DECR2: variants seen among roughly 807,000 people sequenced by gnomAD.
The protein encoded by DECR2 is 2,4-dienoyl-CoA reductase 2.
Under a neutral mutation model 29.2 loss-of-function variants are expected in DECR2, and 34 were observed. The ratio of observed to expected loss-of-function variants is 1.16; its 90% CI spans 0.89 to 1.55. The LOEUF (loss-of-function observed/expected upper bound fraction) is 1.55, where lower values mean the gene tolerates loss of function less well. DECR2 is among the 40% of genes most tolerant of loss of function. The pLI is 0.00. For synonymous variants in DECR2, 224 were observed against 182.7 expected, an observed-to-expected ratio of 1.23 and a Z score of -1.82; for missense variants, 485 against 425.3, an observed-to-expected ratio of 1.14 and a Z score of -1.23.
rs772370508 is a variant in DECR2, at chr16:405,002, C to T, written c.127C>T (p.Arg43Trp). The T allele has an allele frequency of 9.9e-6, 16 of 1,613,972 alleles. No homozygotes were observed. The highest frequency in any genetic ancestry group is 2.7e-5 in the African/African-American group (2 of 74,926). The change falls in exon 2 of 9, where the codon CGG becomes TGG. Residue 43 changes from arginine to tryptophan, a missense_variant. Arg to Trp is a moderately radical substitution (Grantham distance 101). Coordinates refer to ENST00000219481, the MANE Select transcript of DECR2 (RefSeq NM_020664.4). ...ITGGGSGIGF[R>W]IAEIFMRHGC... is the part of the protein sequence containing the mutation. The stretch of plus-strand genomic sequence containing the variant: ...AGGAGGCGGCTCTGGGATTGGGTTC[C>T]GGATTGCTGAGATTTTCATGCGGTG...
At position 410,563 on chromosome 16, in the gene DECR2, G is replaced by A. The variant is rs1463076016; in HGVS notation, c.463-128G>A. ...TCCCCATGACGGCCGCCCGCTCCCT[G>A]CCCTGGGCCTCCCCCTGACGGCCGC... On this transcript the variant is annotated intron_variant, in intron 5 of 8. Transcript: ENST00000219481. The surrounding 1 kb of genome is among the most constrained non-coding windows in gnomAD (Gnocchi z 4.1). 1.1e-5 allele frequency: 16 copies of A among 1,400,094 alleles called. No individual in the cohort carries two copies. The highest frequency in any genetic ancestry group is 1.6e-5 in the African/African-American group (1 of 62,472). The allele number at this position is 1,400,094 out of a possible 1,614,324, so 86.7% of individuals were successfully genotyped here.
At chr16:407,696 C>T in intron 4 of DECR2, 136 bp downstream of exon 4, 1 of 1,398,190 alleles carries the variant, frequency 7.2e-7, no homozygotes, top group Non-Finnish European at 9.6e-7. Flanking sequence ...TGCACCCCAT[C>T]CAGGTACCTG....
chr16:411,455 G>A lies in DECR2; in HGVS notation c.756G>A (p.Leu252=). The change falls in exon 8 of 9, where the codon CTG becomes CTA. Residue 252 remains leucine (L), a synonymous_variant. Transcript: ENST00000219481. ...AGATCGCCCACAGCGTGCTCTACCT[G>A]GCCAGCCCTCTGGCTTCCTACGTGA... ...KTEIAHSVLY[L]ASPLASYVTG... The A allele has an allele frequency of 6.2e-7, 1 of 1,613,806 alleles. No individual in the cohort carries two copies. Among genetic ancestry groups the A allele is most frequent in the East Asian group, 2.2e-5 (1 of 44,888 alleles).
intron 4 of DECR2, among the ~76,000 whole-genome samples, 177 bp downstream of exon 4, chr16:407,737 T>A (rs1483907199): frequency 6.7e-6 from 1 of 149,814 alleles, no homozygotes. Context: ...GCCCCCTGTC[T>A]CCGGCCCCAT....
chr16:404,097 T>C (rs1279021154), intron 1 of DECR2, among the ~76,000 whole-genome samples: 1 of 151,768 alleles, frequency 6.6e-6, no homozygotes, highest in East Asian at 1.9e-4. Flanking sequence ...GGTGTGAACC[T>C]GGGAGGAGGA....
chr16:406,423 C>T (rs756274259), intron 3 of DECR2, 26 bp downstream of exon 3: 8 of 1,605,196 alleles, frequency 5.0e-6, no homozygotes, highest in Non-Finnish European at 5.9e-6. Flanking sequence ...CCATGGTCCC[C>T]TGTTCGGGTG....
chr16:410,873 T>G lies in DECR2; in HGVS notation c.556+89T>G. The G allele has an allele frequency of 6.6e-7, 1 of 1,526,656 alleles. No individual in the cohort carries two copies. Among genetic ancestry groups the G allele is most frequent in the Non-Finnish European group, 8.9e-7 (1 of 1,128,676 alleles). 94.6% of individuals were successfully genotyped at this position (1,526,656 alleles called of 1,614,324 possible). ...TCCCAGGAGGCCAGCAGTCTCCACT[T>G]GAAGCTGAGCCCAGCTGCAGGCAGC... On this transcript the variant is annotated intron_variant, in intron 6 of 8. Coordinates refer to ENST00000219481, the MANE Select transcript of DECR2 (RefSeq NM_020664.4). The surrounding 1 kb of genome is among the most constrained non-coding windows in gnomAD (Gnocchi z 4.1).
At chr16:408,360 G>A (rs1323707815) in intron 4 of DECR2, among the ~76,000 whole-genome samples, 1 of 151,802 alleles carries the variant, frequency 6.6e-6, no homozygotes, top group Non-Finnish European at 1.5e-5. Context: ...TTTGTGTCCC[G>A]CCTTCTGTCT....
chr16:402,131 C>T, intron 1 of DECR2, 88 bp downstream of exon 1: 1 of 1,093,252 alleles, frequency 9.1e-7, no homozygotes, highest in African/African-American at 1.6e-5. Flanking sequence ...CGAGGGCTCG[C>T]GTGTTAGGAA....
intron 4 of DECR2, among the ~76,000 whole-genome samples, chr16:408,522 CTTTT>C: frequency 7.0e-6 from 1 of 143,062 alleles, no homozygotes. Context: ...AAGTAATAGC[CTTTT>C]TTTTTTTTTT....
intron 4 of DECR2, chr16:409,703 A>G (rs1881928600): frequency 6.5e-6 from 1 of 152,918 alleles, no homozygotes; most frequent in Non-Finnish European, 1.5e-5. Flanking sequence ...ATAATCTCCC[A>G]GTTCTGGAGG....
intron 4 of DECR2, among the ~76,000 whole-genome samples, chr16:408,234 CGGGCCTCTGTCTCCGGCCCCCTGTCTCT>C (rs2054764981): frequency 5.5e-5 from 8 of 145,338 alleles, no homozygotes; most frequent in East Asian, 2.1e-4. Context: ...CCTCTGTCTC[CGGGCCTCTGTCTCCGGCCCCCTGTCTCT>C]GGGCCTCTGT....
rs2141816817 is a variant in DECR2, at chr16:410,365, CG to C, written c.462+1del. 6.3e-7 allele frequency: 1 copy of C among 1,597,898 alleles called. No individual in the cohort carries two copies. Among genetic ancestry groups the C allele is most frequent in the South Asian group, 1.1e-5 (1 of 89,600 alleles). On this transcript the variant is annotated frameshift_variant and splice_region_variant, in exon 5 of 9. Transcript: ENST00000219481. LOFTEE classifies it high-confidence loss of function. This position sits in a 1 kb window ranked among gnomAD's most constrained non-coding sequence, Gnocchi z 4.1. The part of the protein sequence containing the change: ...VSRVLYEKFF[R>X]DHGGVIVNIT... ...TCGTGTGCTCTATGAGAAGTTCTTC[CG>C]GGTGGGTGCCTCGTGCGCTCTGTGA...
At chr16:411,253 G>C in intron 7 of DECR2, 108 bp from the exon 8 acceptor site, 1 of 1,268,730 alleles carries the variant, frequency 7.9e-7, no homozygotes. Context: ...TGGTGACACT[G>C]ACTGTGTCCT....
chr16:407,790 C>A (rs2054745957), intron 4 of DECR2, among the ~76,000 whole-genome samples: 1 of 1,444 alleles, frequency 6.9e-4, no homozygotes, highest in Admixed American at 5.6e-3. Context: ...GGGCCTCTGT[C>A]TCCGGGCTCT....
chr16:406,296 G>A (rs181403834), intron 2 of DECR2, 50 bp from the exon 3 acceptor site: 8 of 1,459,518 alleles, frequency 5.5e-6, no homozygotes, highest in Admixed American at 5.3e-5. Flanking sequence ...CAGATGCCCC[G>A]GGAGTGCCCC....
At chr16:407,283 G>C (rs949442840) in intron 3 of DECR2, 142 bp from the exon 4 acceptor site, 2 of 1,458,408 alleles carry the variant, frequency 1.4e-6, no homozygotes, top group African/African-American at 2.8e-5. Context: ...GCACTTGCAG[G>C]CTGTGCTTCC....
chr16:411,416 G>C lies in DECR2; in HGVS notation c.717G>C (p.Leu239=), dbSNP rs1567342548. ...TCACTGCCAGCCCGCTGCAGAGGCT[G>C]GGGAACAAGACCGAGATCGCCCACA... ...TKVTASPLQR[L]GNKTEIAHSV... Residue 239 remains leucine (L), a synonymous_variant, in exon 8 of 9, where the codon CTG becomes CTC. Coordinates refer to ENST00000219481, the MANE Select transcript of DECR2 (RefSeq NM_020664.4). 6.2e-7 allele frequency: 1 copy of C among 1,613,108 alleles called. No individual in the cohort carries two copies. Among genetic ancestry groups the C allele is most frequent in the Non-Finnish European group, 8.5e-7 (1 of 1,179,980 alleles).
intron 3 of DECR2, 104 bp from the exon 4 acceptor site, chr16:407,321 G>C: frequency 6.7e-7 from 1 of 1,483,690 alleles, no homozygotes; most frequent in Non-Finnish European, 8.9e-7. Context: ...AGCAAACCCA[G>C]GGTCCCCGAG....
Sources: gnomAD v4.1 joint callset for allele counts (sites outside exome capture counted in the v4.1 genomes callset) on GRCh38, gnomAD v4.1.1 for gene constraint, Gnocchi (gnomAD v3.1) non-coding constraint, MANE v1.5 for transcripts, NCBI Gene and HGNC (gene_info 2026-07-23, HGNC 2026-07-21) for gene names.